BANF2: variants seen among roughly 807,000 people sequenced by gnomAD.
The protein encoded by BANF2 is BANF family member 2, also known as barrier-to-autointegration factor-like protein.
Under a neutral mutation model 8.0 loss-of-function variants are expected in BANF2, and 4 were observed. That is an observed-to-expected ratio of 0.50 (90% CI 0.25 to 1.14). The LOEUF is 1.14. Ranked by LOEUF, BANF2 falls within the 50% of genes most tolerant of loss-of-function variation. BANF2 has a pLI of 0.16. For synonymous variants in BANF2, 50 were observed against 40.6 expected (o/e 1.23, Z -0.88); for missense variants, 96 against 107.5 (o/e 0.89, Z 0.47).
At chr20:17,732,375 T>C (rs927528164) in intron 3 of BANF2, among the ~76,000 whole-genome samples, 7 of 152,194 alleles carry the variant, frequency 4.6e-5, no homozygotes, top group African/African-American at 1.7e-4. Context: ...TCCTTTTGTT[T>C]GTTTGTTTCG....
chr20:17,719,499 G>A (rs1012357775), intron 1 of BANF2, among the ~76,000 whole-genome samples: 1 of 151,976 alleles, frequency 6.6e-6, no homozygotes, highest in South Asian at 2.1e-4. Context: ...AGAAATTAGG[G>A]GTTTAGGCTA....
At chr20:17,711,124 T>C (rs1390720496) in intron 1 of BANF2, among the ~76,000 whole-genome samples, 2 of 152,252 alleles carry the variant, frequency 1.3e-5, no homozygotes, top group African/African-American at 2.4e-5. Flanking sequence ...TTTTATTACC[T>C]AAATCTGGCA....
At chr20:17,724,173 TC>T (rs1429433227) in intron 2 of BANF2, among the ~76,000 whole-genome samples, 2 of 152,182 alleles carry the variant, frequency 1.3e-5, no homozygotes, top group Non-Finnish European at 2.9e-5. Flanking sequence ...GAGACTCAAC[TC>T]CTGGGAGATG....
At chr20:17,723,968 C>T (rs918741771) in intron 2 of BANF2, among the ~76,000 whole-genome samples, 1 of 152,202 alleles carries the variant, frequency 6.6e-6, no homozygotes, top group Non-Finnish European at 1.5e-5. Flanking sequence ...GCACTCCAGC[C>T]TGGGCAACAA....
intron 1 of BANF2, among the ~76,000 whole-genome samples, chr20:17,709,367 A>G (rs1358810074): frequency 6.6e-6 from 1 of 152,216 alleles, no homozygotes; most frequent in Admixed American, 6.5e-5. Context: ...CAAGGGCAGG[A>G]CACACAAAAT....
At chr20:17,715,019 G>A (rs760770051) in intron 1 of BANF2, among the ~76,000 whole-genome samples, 4 of 152,214 alleles carry the variant, frequency 2.6e-5, no homozygotes, top group African/African-American at 9.7e-5. Context: ...GAAGGAACCA[G>A]AAGGATGAGG....
chr20:17,719,242 A>C (rs1037343212), intron 1 of BANF2, among the ~76,000 whole-genome samples: 1 of 152,124 alleles, frequency 6.6e-6, no homozygotes, highest in Non-Finnish European at 1.5e-5. Flanking sequence ...CTCCCGTCTC[A>C]GCCTTCCGAG....
Position 17,710,883 on chromosome 20 carries a change from G to A in BANF2, c.-167+10828G>A, listed in dbSNP as rs184417820. ...AGTTCCCGCAGCAACCCAGGGCTGG[G>A]TGTGTGGGCAGATCTGGGGGCTTCT... is the stretch of plus-strand genomic sequence containing the variant. On this transcript the variant is annotated intron_variant, in intron 1 of 3. Transcript: ENST00000246090. Among the ~76,000 whole-genome samples, 880 of 151,786 alleles carry A rather than the reference G, an allele frequency of 5.8e-3. 10 individuals carry two copies. The highest frequency in any genetic ancestry group is 9.1e-3 in the Non-Finnish European group (617 of 67,932).
At chr20:17,700,349 A>C (rs1002461116) in intron 1 of BANF2, among the ~76,000 whole-genome samples, 5 of 141,586 alleles carry the variant, frequency 3.5e-5, no homozygotes, top group Non-Finnish European at 7.7e-5. Context: ...CTGTGTTCTT[A>C]ATAGAGCAGA....
At chr20:17,717,149 G>A (rs1330408816) in intron 1 of BANF2, among the ~76,000 whole-genome samples, 2 of 152,122 alleles carry the variant, frequency 1.3e-5, no homozygotes, top group South Asian at 2.1e-4. Flanking sequence ...AGATTCTGAG[G>A]GGTGAGCATC....
At chr20:17,726,083 T>A (rs1376637104) in intron 3 of BANF2, among the ~76,000 whole-genome samples, 1 of 152,230 alleles carries the variant, frequency 6.6e-6, no homozygotes, top group Non-Finnish European at 1.5e-5. Flanking sequence ...GAAATGGAAG[T>A]GCCCCTATTG....
upstream of BANF2, among the ~76,000 whole-genome samples, chr20:17,698,816 C>T (rs1200617959): frequency 2.6e-5 from 4 of 152,206 alleles, no homozygotes; most frequent in African/African-American, 4.8e-5. Context: ...CTCAGTAAAG[C>T]GTGCTGGTTG....
At chr20:17,715,297 T>C (rs2037635369) in intron 1 of BANF2, among the ~76,000 whole-genome samples, 1 of 152,210 alleles carries the variant, frequency 6.6e-6, no homozygotes, top group African/African-American at 2.4e-5. Context: ...TGCCGTGGGC[T>C]GGTTCTGTTT....
intron 1 of BANF2, among the ~76,000 whole-genome samples, chr20:17,703,740 C>CT (rs373982840): frequency 0.019 from 2,378 of 122,560 alleles, 103 homozygotes; most frequent in African/African-American, 0.046. Flanking sequence ...AGTAGGCTGA[C>CT]TTTTTTTTTT....
upstream of BANF2, among the ~76,000 whole-genome samples, chr20:17,697,978 G>C (rs1400781561): frequency 6.6e-6 from 1 of 152,024 alleles, no homozygotes; most frequent in East Asian, 1.9e-4. Flanking sequence ...GCCAGGATGG[G>C]CGGATCATCT....
At chr20:17,711,337 G>T (rs1416564465) in intron 1 of BANF2, among the ~76,000 whole-genome samples, 2 of 152,234 alleles carry the variant, frequency 1.3e-5, no homozygotes, top group Non-Finnish European at 2.9e-5. Flanking sequence ...GCACAGTGGA[G>T]TCAGTTACAG....
At chr20:17,712,335 C>T (rs142333036) in intron 1 of BANF2, 2 of 168,584 alleles carry the variant, frequency 1.2e-5, no homozygotes, top group African/African-American at 4.8e-5. Context: ...ACCAAGGGCA[C>T]TGCCTCAAGC....
rs186377965 is a variant in BANF2, at chr20:17,704,221, C to T, written c.-167+4166C>T. On this transcript the variant is annotated intron_variant, in intron 1 of 3. Coordinates refer to ENST00000246090, the MANE Select transcript of BANF2 (RefSeq NM_178477.5). ...ACCAGCAGGAAGGGGTCTATGGACA[C>T]GCTACACAGTCACTTCAACAGTGCT... 9.1e-4 allele frequency among the ~76,000 whole-genome samples: 139 copies of T among 152,324 alleles called. 1 individual carries two copies. Among genetic ancestry groups the T allele is most frequent in the African/African-American group, 3.0e-3 (125 of 41,574 alleles).
intron 3 of BANF2, among the ~76,000 whole-genome samples, chr20:17,725,934 C>T (rs1229701907): frequency 6.6e-6 from 1 of 152,128 alleles, no homozygotes; most frequent in East Asian, 1.9e-4. Context: ...TGGCTGACGA[C>T]TAGTTTGGTT....
Sources: gnomAD v4.1 joint callset for allele counts (sites outside exome capture counted in the v4.1 genomes callset) on GRCh38, gnomAD v4.1.1 for gene constraint, MANE v1.5 for transcripts, NCBI Gene and HGNC (gene_info 2026-07-23, HGNC 2026-07-21) for gene names.